Variants in EVPL observed in about 807,000 individuals in gnomAD.
The protein encoded by EVPL is envoplakin.
EVPL carries 94 observed loss-of-function variants against 129.7 expected under a neutral mutation model. The observed-to-expected ratio is 0.72, with a 90% CI of 0.61 to 0.86. The LOEUF is 0.86. Among genes scored for constraint, EVPL ranks in the 40% least tolerant of loss-of-function variants. The pLI, the probability that EVPL is intolerant of heterozygous loss-of-function variation, is 0.00. For synonymous variants in EVPL, 1,172 were observed against 1,191.1 expected (o/e 0.98, Z 0.33); for missense variants, 2,625 against 2,721.1 (o/e 0.96, Z 0.79).
chr17:76,026,826 C>T (rs1229562456), intron 1 of EVPL, among the ~76,000 whole-genome samples: 2 of 152,256 alleles, frequency 1.3e-5, no homozygotes, highest in South Asian at 2.1e-4. Context: ...TCCCGCGAAG[C>T]GGCCTCAATC....
At position 76,018,426 on chromosome 17, in the gene EVPL, G is replaced by T. The variant is rs2066433290; in HGVS notation, c.1439+20C>A. Reference sequence around the variant, plus strand: ...TGCTCTGCCCACAGCCTGCCCCTGAGTATCCCTACACAGACCTACCGGGAG... The same window carrying T: ...TGCTCTGCCCACAGCCTGCCCCTGATTATCCCTACACAGACCTACCGGGAG... On this transcript the variant is annotated intron_variant, in intron 12 of 21. Transcript: ENST00000301607. 2 of 1,604,872 alleles carry T rather than the reference G, an allele frequency of 1.2e-6. No homozygotes were observed. Among genetic ancestry groups the T allele is most frequent in the South Asian group, 2.2e-5 (2 of 89,838 alleles).
In EVPL at chr17:76,011,799, A is replaced by T; in HGVS notation, c.2541T>A (p.Ala847=). ...AVSAPKRPRV[A]PLQESIQAQE... ...GGGCTTGGATGCTCTCTTGCAGGGG[A>T]GCCACTCGGGGTCTCTTGGGGGCTG... Residue 847 remains alanine (A), a synonymous_variant, in exon 20 of 22, where the codon GCT becomes GCA. Transcript: ENST00000301607. 1.2e-6 allele frequency: 2 copies of T among 1,612,244 alleles called. No individual in the cohort carries two copies. The highest frequency in any genetic ancestry group is 1.7e-6 in the Non-Finnish European group (2 of 1,179,320).
In EVPL at chr17:76,015,271, G is replaced by T; in HGVS notation, c.1984C>A (p.Pro662Thr). The change falls in exon 16 of 22, where the codon CCT (proline) becomes ACT (threonine). Residue 662 changes from proline (P) to threonine (T), a missense_variant. By Grantham distance (38) the Pro-to-Thr change is conservative. Around this residue, in one of 4 missense-constraint regions of EVPL, gnomAD observed 1,024 missense variants for 997.5 expected, o/e 1.03. Coordinates refer to ENST00000301607, the MANE Select transcript of EVPL (RefSeq NM_001988.4). ...TCCTGCAGAGCCCCCGGTTCAGCAG[G>T]GATGGGGGCCTCCTGCACCAGGGTG... ...EATLVQEAPI[P>T]AEPGALQERV... 1.2e-6 allele frequency: 2 copies of T among 1,603,008 alleles called. No individual in the cohort carries two copies. The highest frequency in any genetic ancestry group is 1.7e-5 in the Admixed American group (1 of 59,670).
chr17:76,018,019 TG>T, intron 13 of EVPL, 108 bp from the exon 14 acceptor site: 1 of 1,549,082 alleles, frequency 6.5e-7, no homozygotes, highest in Non-Finnish European at 8.7e-7. Context: ...GTGGAGGGGA[TG>T]GGCAGGGCCA....
Position 76,024,613 on chromosome 17 carries a change from G to A in EVPL, c.99-493C>T, listed in dbSNP as rs1224081845. Among the ~76,000 whole-genome samples, 1 of 152,058 alleles carries A rather than the reference G, an allele frequency of 6.6e-6. No individual in the cohort carries two copies. Among genetic ancestry groups the A allele is most frequent in the African/African-American group, 2.4e-5 (1 of 41,394 alleles). On this transcript the variant is annotated intron_variant, in intron 1 of 21. Coordinates refer to ENST00000301607, the MANE Select transcript of EVPL (RefSeq NM_001988.4). This position sits in a 1 kb window ranked among gnomAD's most constrained non-coding sequence, Gnocchi z 4.5. ...TCCCCTATACCTCCTCCACCCCAGGGAGCCTTGCCAGCATGCTGGCTTCAG... is the reference window on the plus strand; with the variant it reads ...TCCCCTATACCTCCTCCACCCCAGGAAGCCTTGCCAGCATGCTGGCTTCAG...
At position 76,015,106 on chromosome 17, in the gene EVPL, G is replaced by A; in HGVS notation, c.2032C>T (p.Gln678Ter). The A allele has an allele frequency of 6.4e-7, 1 of 1,573,142 alleles. No homozygotes were observed. Among genetic ancestry groups the A allele is most frequent in the East Asian group, 2.3e-5 (1 of 44,066 alleles). Residue 678 changes from glutamine to a stop codon, truncating the protein, a stop_gained, in exon 17 of 22, where the codon CAG becomes TAG. Transcript: ENST00000301607. LOFTEE classifies it high-confidence loss of function. ...TGCTGTTCCAGCAGCTCCCTCCGCTGGCGCTGCAGGAGGAGGGGACGCAGC... is the reference window on the plus strand; with the variant it reads ...TGCTGTTCCAGCAGCTCCCTCCGCTAGCGCTGCAGGAGGAGGGGACGCAGC... Reference protein sequence around the residue: ...LQERVSELQRQRRELLEQQTC... With the variant: ...LQERVSELQR
At chr17:76,023,185 G>A in intron 4 of EVPL, 107 bp downstream of exon 4, 3 of 1,551,144 alleles carry the variant, frequency 1.9e-6, no homozygotes, top group Non-Finnish European at 2.6e-6. Flanking sequence ...CCAGACCCCT[G>A]AGCCACCCCT....
chr17:76,021,370 G>T, intron 9 of EVPL, 98 bp downstream of exon 9: 1 of 1,137,568 alleles, frequency 8.8e-7, no homozygotes, highest in Non-Finnish European at 1.3e-6. Context: ...CTGTCTAGTT[G>T]GGAGGTGCAG....
chr17:76,022,873 C>T lies in EVPL; in HGVS notation c.481-335G>A, dbSNP rs2066472385. Among the ~76,000 whole-genome samples, 1 of 152,128 alleles carries T rather than the reference C, an allele frequency of 6.6e-6. No homozygotes were observed. ...ATGCCCTGCTCCAGCCGGGCCCTTC[C>T]CCACTGTCCCTCTATTGTCATGATG... is the stretch of plus-strand genomic sequence containing the variant. On this transcript the variant is annotated intron_variant, in intron 4 of 21. Coordinates refer to ENST00000301607, the MANE Select transcript of EVPL (RefSeq NM_001988.4). The surrounding 1 kb of genome is among the most constrained non-coding windows in gnomAD (Gnocchi z 5.6).
rs1343308552 is a variant in EVPL at position 76,022,220 on chromosome 17, G to T, written c.614C>A (p.Ala205Asp). 1 of 1,613,236 alleles carries T rather than the reference G, an allele frequency of 6.2e-7. No homozygotes were observed. Residue 205 changes from alanine (A) to aspartate (D), a missense_variant, in exon 6 of 22, where the codon GCC (alanine) becomes GAC (aspartate). By Grantham distance (126) the Ala-to-Asp change is moderately radical. Coordinates refer to ENST00000301607, the MANE Select transcript of EVPL (RefSeq NM_001988.4). The surrounding 1 kb of genome is among the most constrained non-coding windows in gnomAD (Gnocchi z 5.6). ...QLRSLVGPDA[A>D]TIRSQYRDLL... ...GTCTCGGTATTGGCTCCGGATGGTG[G>T]CTGCATCCTGCCTCGACCAAGGGGA... is the stretch of plus-strand genomic sequence containing the variant.
intron 1 of EVPL, among the ~76,000 whole-genome samples, chr17:76,026,208 T>C (rs1418201552): frequency 6.6e-6 from 1 of 150,858 alleles, no homozygotes; most frequent in East Asian, 2.0e-4. Flanking sequence ...CCTCCCAAAG[T>C]TGTAGGATTG....
chr17:76,018,720 A>G lies in EVPL; in HGVS notation c.1285-120T>C. ...CAGCAGCTGGAACAGGGACAAGAGT[A>G]GGGTGGGAGGTGCTGGGGTAGAAAA... On this transcript the variant is annotated intron_variant, in intron 11 of 21. Transcript: ENST00000301607. The G allele has an allele frequency of 2.4e-6, 3 of 1,236,778 alleles. 1 individual carries two copies. The highest frequency in any genetic ancestry group is 3.1e-5 in the South Asian group (2 of 65,212). The allele number at this position is 1,236,778 out of a possible 1,614,324, so 76.6% of individuals were successfully genotyped here. A position where few individuals can be genotyped will look rare whatever the true frequency, so the allele number is the denominator to read the frequency against.
At chr17:76,019,465 A>G in intron 10 of EVPL, 63 bp downstream of exon 10, 1 of 1,498,348 alleles carries the variant, frequency 6.7e-7, no homozygotes, top group Non-Finnish European at 8.9e-7. Flanking sequence ...GGTGAGGCCC[A>G]GAAAAATGGA....
chr17:76,018,016 G>T lies in EVPL; in HGVS notation c.1538-105C>A, dbSNP rs944872690. 40 of 1,550,256 alleles carry T rather than the reference G, an allele frequency of 2.6e-5. No homozygotes were observed. The East Asian group carries it at 8.3e-4, about 32-fold the overall frequency. On this transcript the variant is annotated intron_variant, in intron 13 of 21. Coordinates refer to ENST00000301607, the MANE Select transcript of EVPL (RefSeq NM_001988.4). ...GGGTCCTGTCGGGGTAGGGTGGAGG[G>T]GATGGGCAGGGCCACCCCAGAGATG...
chr17:76,020,457 C>T lies in EVPL; in HGVS notation c.1012-804G>A, dbSNP rs550860974. ...GTATTGGAGCTGCACTTGTCCCAGC[C>T]CCGGAGAAGAAGCTGTGCTTTAAAG... On this transcript the variant is annotated intron_variant, in intron 9 of 21. Transcript: ENST00000301607. Among the ~76,000 whole-genome samples the T allele has an allele frequency of 7.2e-5, 11 of 152,222 alleles. No individual in the cohort carries two copies. The East Asian group carries it at 2.1e-3, about 29-fold the overall frequency.
rs755721021 is a variant in EVPL at position 76,009,581 on chromosome 17, C to T, written c.3624G>A (p.Gln1208=). Residue 1208 remains glutamine, a synonymous_variant, in exon 22 of 22, where the codon CAG becomes CAA. Transcript: ENST00000301607. The surrounding 1 kb of genome is among the most constrained non-coding windows in gnomAD (Gnocchi z 5.9). ...GCTTGGCCTTGAGCCGAGTGATCTCCTGCTCTGTCTCCGGATCCACCTGGA... is the reference window on the plus strand; with the variant it reads ...GCTTGGCCTTGAGCCGAGTGATCTCTTGCTCTGTCTCCGGATCCACCTGGA... ...EIFQVDPETE[Q]EITRLKAKLQ... The T allele has an allele frequency of 1.2e-6, 2 of 1,614,130 alleles. No individual in the cohort carries two copies. The highest frequency in any genetic ancestry group is 1.7e-6 in the Non-Finnish European group (2 of 1,180,044).
At chr17:76,012,110 G>A (rs1298967842) in intron 18 of EVPL, 21 bp from the exon 19 acceptor site, 1 of 1,594,674 alleles carries the variant, frequency 6.3e-7, no homozygotes, top group African/African-American at 1.3e-5. Flanking sequence ...AGAACCCAGA[G>A]TCAGGAGGCC....
Position 76,009,593 on chromosome 17 carries a change from C to G in EVPL, c.3612G>C (p.Pro1204=), listed in dbSNP as rs370565249. ...ERVHEIFQVD[P]ETEQEITRLK... ...GCCGAGTGATCTCCTGCTCTGTCTC[C>G]GGATCCACCTGGAAGATCTCGTGGA... The change falls in exon 22 of 22, where the codon CCG becomes CCC. Residue 1204 remains proline, a synonymous_variant. Coordinates refer to ENST00000301607, the MANE Select transcript of EVPL (RefSeq NM_001988.4). The surrounding 1 kb of genome is among the most constrained non-coding windows in gnomAD (Gnocchi z 5.9). 6.2e-7 allele frequency: 1 copy of G among 1,613,978 alleles called. No homozygotes were observed.
chr17:76,022,137 G>A lies in EVPL; in HGVS notation c.645+52C>T, dbSNP rs375938354. ...CACTGGCCCCGGGCAGGGTCCGGGC[G>A]GCCACCCAGGCCCACCCGCAGCCTC... On this transcript the variant is annotated intron_variant, in intron 6 of 21. Transcript: ENST00000301607. This position sits in a 1 kb window ranked among gnomAD's most constrained non-coding sequence, Gnocchi z 5.6. 2.5e-6 allele frequency: 4 copies of A among 1,604,294 alleles called. No homozygotes were observed. In the Admixed American group the frequency reaches 5.1e-5, roughly 21 times the overall value.
Sources: gnomAD v4.1 joint callset for allele counts (sites outside exome capture counted in the v4.1 genomes callset) on GRCh38, gnomAD v4.1.1 for gene constraint, gnomAD v4.1.1 regional missense constraint, Gnocchi (gnomAD v3.1) non-coding constraint, MANE v1.5 for transcripts, NCBI Gene and HGNC (gene_info 2026-07-23, HGNC 2026-07-21) for gene names.